The following LAMA2 variants were observed in gnomAD, a reference collection of about 807,000 sequenced individuals.
LAMA2 encodes laminin subunit alpha-2.
Under a neutral mutation model 364.8 loss-of-function variants are expected in LAMA2, and 269 were observed. That is an observed-to-expected ratio of 0.74 (90% CI 0.67 to 0.82). The LOEUF (loss-of-function observed/expected upper bound fraction) is 0.82. LAMA2 is among the 40% of genes least tolerant of loss of function. The pLI is 0.00. For missense variants in LAMA2, 3,807 were observed against 3,873.2 expected (o/e 0.98, Z 0.45); for synonymous variants, 1,379 against 1,370.6 (o/e 1.01, Z -0.14).
chr6:128,901,061 A>G (rs1777053939), intron 1 of LAMA2, among the ~76,000 whole-genome samples: 2 of 152,168 alleles, frequency 1.3e-5, no homozygotes, highest in African/African-American at 4.8e-5. Context: ...GGAGGCTGAG[A>G]TGGGAAGATT....
intron 17 of LAMA2, among the ~76,000 whole-genome samples, chr6:129,279,037 T>G (rs879298886): frequency 2.6e-5 from 4 of 152,320 alleles, no homozygotes; most frequent in Admixed American, 1.3e-4. Flanking sequence ...GTTATGTCTT[T>G]AATTCATTTA....
At chr6:129,495,741 C>A (rs920115451) in intron 58 of LAMA2, among the ~76,000 whole-genome samples, 13 of 152,044 alleles carry the variant, frequency 8.6e-5, no homozygotes, top group Admixed American at 4.6e-4. Flanking sequence ...GCACATTTTT[C>A]TGTGGTATTT....
At chr6:129,411,523 T>A (rs1334612867) in intron 40 of LAMA2, among the ~76,000 whole-genome samples, 1 of 152,206 alleles carries the variant, frequency 6.6e-6, no homozygotes, top group Non-Finnish European at 1.5e-5. Flanking sequence ...CAACTTCTCT[T>A]ATAGCAAATT....
At chr6:129,176,652 A>G (rs1325962949) in intron 9 of LAMA2, among the ~76,000 whole-genome samples, 1 of 152,160 alleles carries the variant, frequency 6.6e-6, no homozygotes, top group African/African-American at 2.4e-5. Flanking sequence ...ATTTTTATCA[A>G]TGTAAAATGA....
chr6:129,365,878 G>T (rs1359852377), intron 32 of LAMA2, among the ~76,000 whole-genome samples: 8 of 152,048 alleles, frequency 5.3e-5, no homozygotes, highest in Admixed American at 3.9e-4. Context: ...AGGGATTTAG[G>T]GGGTACTTTT....
At chr6:129,041,573 C>T (rs1208322082) in intron 1 of LAMA2, among the ~76,000 whole-genome samples, 1 of 152,094 alleles carries the variant, frequency 6.6e-6, no homozygotes, top group Non-Finnish European at 1.5e-5. Flanking sequence ...TACATAAAAT[C>T]CAAAGAATGA....
chr6:129,156,369 G>A (rs551238518), intron 8 of LAMA2, among the ~76,000 whole-genome samples: 1 of 151,784 alleles, frequency 6.6e-6, no homozygotes, highest in South Asian at 2.1e-4. Flanking sequence ...CAGTGTTCCA[G>A]TACAGAGATC....
intron 3 of LAMA2, among the ~76,000 whole-genome samples, chr6:129,075,858 G>A (rs952627297): frequency 2.6e-5 from 4 of 152,098 alleles, no homozygotes; most frequent in Admixed American, 2.6e-4. Flanking sequence ...GGAGGTTGAG[G>A]TGGGAGGATT....
At position 129,261,499 on chromosome 6, in the gene LAMA2, C is replaced by T. The variant is rs190914008; in HGVS notation, c.2208+677C>T. 1.4e-3 allele frequency among the ~76,000 whole-genome samples: 210 copies of T among 152,158 alleles called. 1 individual carries two copies. Among genetic ancestry groups the T allele is most frequent in the African/African-American group, 4.8e-3 (201 of 41,532 alleles). Reference sequence around the variant, plus strand: ...TGTGTATTTTCTTTTACACAGAAAACTGGTGTGAAACTGGTTTTACTTGAA... The same window carrying T: ...TGTGTATTTTCTTTTACACAGAAAATTGGTGTGAAACTGGTTTTACTTGAA... On this transcript the variant is annotated intron_variant, in intron 15 of 64. Transcript: ENST00000421865.
chr6:129,393,348 A>G (rs986397612), intron 37 of LAMA2, 93 bp downstream of exon 37: 1 of 952,980 alleles, frequency 1.0e-6, no homozygotes, highest in East Asian at 2.5e-5. Context: ...GTTGATGCAC[A>G]TTTACAAAAG....
chr6:129,462,012 G>T (rs1056281478), intron 49 of LAMA2, among the ~76,000 whole-genome samples: 1 of 151,994 alleles, frequency 6.6e-6, no homozygotes, highest in Non-Finnish European at 1.5e-5. Context: ...CAGAGGAGGT[G>T]ACATTTGAAA....
intron 12 of LAMA2, among the ~76,000 whole-genome samples, chr6:129,240,612 G>C (rs951284556): frequency 6.6e-6 from 1 of 152,260 alleles, no homozygotes; most frequent in East Asian, 1.9e-4. Context: ...TCTCTTAAAT[G>C]GTGGTGTCAT....
intron 8 of LAMA2, 62 bp from the exon 9 acceptor site, chr6:129,165,514 G>T: frequency 1.8e-6 from 2 of 1,102,594 alleles, no homozygotes; most frequent in Non-Finnish European, 2.7e-6. Flanking sequence ...AAAGTTTGCT[G>T]AAGTGAAAAA....
intron 4 of LAMA2, among the ~76,000 whole-genome samples, chr6:129,100,106 A>G (rs1775435096): frequency 6.6e-6 from 1 of 152,236 alleles, no homozygotes; most frequent in Admixed American, 6.5e-5. Flanking sequence ...TTCGGCAGGT[A>G]TGTAACATGC....
At chr6:129,270,822 T>C in intron 17 of LAMA2, 71 bp downstream of exon 17, 1 of 1,438,188 alleles carries the variant, frequency 7.0e-7, no homozygotes, top group Non-Finnish European at 9.8e-7. Flanking sequence ...ATAGCAAATA[T>C]ACACTTCCTT....
At chr6:129,354,396 G>A (rs1469579867) in intron 32 of LAMA2, among the ~76,000 whole-genome samples, 1 of 152,060 alleles carries the variant, frequency 6.6e-6, no homozygotes, top group Non-Finnish European at 1.5e-5. Flanking sequence ...GAAGGTAGGT[G>A]AGAGGGGAGA....
At chr6:129,346,602 T>A (rs1776569032) in intron 30 of LAMA2, among the ~76,000 whole-genome samples, 1 of 152,200 alleles carries the variant, frequency 6.6e-6, no homozygotes, top group Non-Finnish European at 1.5e-5. Context: ...TCTTTGAAGG[T>A]AAACATAATG....
intron 1 of LAMA2, among the ~76,000 whole-genome samples, chr6:128,908,445 G>A (rs1428922834): frequency 2.7e-5 from 4 of 149,584 alleles, no homozygotes; most frequent in African/African-American, 4.9e-5. Context: ...AGTATTCTCT[G>A]ATGGTAGTTT....
chr6:129,192,946 C>A, intron 12 of LAMA2, 93 bp downstream of exon 12: 2 of 1,239,818 alleles, frequency 1.6e-6, no homozygotes, highest in South Asian at 1.3e-5. Context: ...AAGACAAAAT[C>A]AAATACACAC....
Sources: allele counts gnomAD v4.1 joint callset (sites outside exome capture counted in the v4.1 genomes callset), GRCh38; gene constraint gnomAD v4.1.1; transcripts MANE v1.5; gene names NCBI Gene and HGNC (gene_info 2026-07-23, HGNC 2026-07-21).